KIAA0825: variants seen among roughly 807,000 people sequenced by gnomAD.
KIAA0825 encodes uncharacterized protein KIAA0825.
KIAA0825 carries 119 observed loss-of-function variants against 147.6 expected under a neutral mutation model. That is an observed-to-expected ratio of 0.81 (90% CI 0.69 to 0.94). The LOEUF (loss-of-function observed/expected upper bound fraction) is 0.94. KIAA0825 is among the 40% of genes least tolerant of loss of function. KIAA0825 has a pLI of 0.00. For synonymous variants in KIAA0825, 470 were observed against 518.1 expected (o/e 0.91, Z 1.26); for missense variants, 1,381 against 1,472.7 (o/e 0.94, Z 1.02).
At chr5:94,520,103 G>T in intron 5 of KIAA0825, 145 bp downstream of exon 5, 1 of 1,185,704 alleles carries the variant, frequency 8.4e-7, no homozygotes, top group East Asian at 2.9e-5. Flanking sequence ...AAATGCATGA[G>T]AAATGTATAC....
At chr5:94,298,247 C>CA (rs1297571311) in intron 20 of KIAA0825, among the ~76,000 whole-genome samples, 12 of 146,118 alleles carry the variant, frequency 8.2e-5, no homozygotes, top group East Asian at 2.0e-4. Flanking sequence ...GACTCCGTCC[C>CA]AAAAAAAAAA....
chr5:94,543,741 G>C (rs182278671), intron 2 of KIAA0825, among the ~76,000 whole-genome samples: 100 of 152,236 alleles, frequency 6.6e-4, no homozygotes, highest in African/African-American at 2.2e-3. Context: ...TAGGATTAAG[G>C]GCTAAGGGAT....
chr5:94,517,050 G>A (rs1004589783), intron 5 of KIAA0825, among the ~76,000 whole-genome samples: 1 of 152,098 alleles, frequency 6.6e-6, no homozygotes, highest in Non-Finnish European at 1.5e-5. Flanking sequence ...GCAGTGAGCC[G>A]AGATTGCACC....
At chr5:94,379,418 T>C (rs1748058924) in intron 20 of KIAA0825, among the ~76,000 whole-genome samples, 1 of 152,174 alleles carries the variant, frequency 6.6e-6, no homozygotes, top group Non-Finnish European at 1.5e-5. Context: ...TGTAGCTCTG[T>C]GGCATTATTT....
chr5:94,526,730 T>C (rs1226747925), intron 3 of KIAA0825, among the ~76,000 whole-genome samples: 2 of 152,002 alleles, frequency 1.3e-5, no homozygotes, highest in East Asian at 3.9e-4. Context: ...TGATAAACAT[T>C]AGCTGAATGT....
chr5:94,348,255 G>A (rs1783235862), intron 20 of KIAA0825, among the ~76,000 whole-genome samples: 1 of 152,156 alleles, frequency 6.6e-6, no homozygotes, highest in African/African-American at 2.4e-5. Context: ...CCCTGACCTT[G>A]TGAGAAACCT....
At chr5:94,546,257 C>G (rs1021646080) in intron 2 of KIAA0825, among the ~76,000 whole-genome samples, 1 of 152,210 alleles carries the variant, frequency 6.6e-6, no homozygotes, top group Admixed American at 6.5e-5. Context: ...GGCTCCAAGA[C>G]AGTAGCTATG....
rs187546905 is a variant in KIAA0825 at position 94,465,471 on chromosome 5, T to C, written c.1873-412A>G. On this transcript the variant is annotated intron_variant, in intron 10 of 20. Coordinates refer to ENST00000682413, the MANE Select transcript of KIAA0825 (RefSeq NM_001145678.3). ...TATTTTTCTGAGCCTATTAGCATCA[T>C]TAAGGTAATTTTATAAATGTTTCAG... Among the ~76,000 whole-genome samples the C allele has an allele frequency of 2.2e-3, 333 of 152,334 alleles. 2 individuals carry two copies. Among genetic ancestry groups the C allele is most frequent in the African/African-American group, 7.6e-3 (318 of 41,582 alleles).
chr5:94,533,186 G>T (rs1365159863), intron 3 of KIAA0825, among the ~76,000 whole-genome samples: 28 of 150,922 alleles, frequency 1.9e-4, no homozygotes, highest in Admixed American at 1.8e-3. Context: ...CACCGTGTTA[G>T]CCAGGATGGT....
Position 94,589,832 on chromosome 5 carries a change from G to C in KIAA0825, c.-152-7249C>G, listed in dbSNP as rs567506999. Among the ~76,000 whole-genome samples the C allele has an allele frequency of 2.8e-5, 4 of 143,606 alleles. No homozygotes were observed. In the East Asian group the frequency reaches 5.9e-4, roughly 21 times the overall value. 94.2% of individuals were successfully genotyped at this position (143,606 alleles called of 152,430 possible). A position where few individuals can be genotyped will look rare whatever the true frequency, so the allele number is the denominator to read the frequency against. ...ATTTCCAAAATCTGTACTTTATCCT[G>C]TCTCACTTTAAAAAAAAAAAAAGCA... On this transcript the variant is annotated intron_variant, in intron 1 of 20. Coordinates refer to ENST00000682413, the MANE Select transcript of KIAA0825 (RefSeq NM_001145678.3).
intron 20 of KIAA0825, among the ~76,000 whole-genome samples, chr5:94,333,517 G>C (rs890182470): frequency 6.6e-6 from 1 of 152,128 alleles, no homozygotes; most frequent in African/African-American, 2.4e-5. Context: ...TGTCAGGTTT[G>C]TCAAAGATCA....
intron 15 of KIAA0825, among the ~76,000 whole-genome samples, chr5:94,410,959 T>C (rs1752686716): frequency 6.6e-6 from 1 of 152,104 alleles, no homozygotes; most frequent in Admixed American, 6.5e-5. Flanking sequence ...ATAAAAGACT[T>C]TTTCCCATTT....
At chr5:94,254,680 A>G (rs1227302244) in intron 20 of KIAA0825, among the ~76,000 whole-genome samples, 2 of 152,158 alleles carry the variant, frequency 1.3e-5, no homozygotes, top group African/African-American at 4.8e-5. Flanking sequence ...AGTTTAATTA[A>G]GCTTACTTTA....
At chr5:94,399,718 CTA>C (rs1751133340) in intron 16 of KIAA0825, among the ~76,000 whole-genome samples, 1 of 151,952 alleles carries the variant, frequency 6.6e-6, no homozygotes, top group African/African-American at 2.4e-5. Context: ...TGAAGAAAAT[CTA>C]TGTCTTAGGA....
At chr5:94,278,854 G>T (rs1443063611) in intron 20 of KIAA0825, among the ~76,000 whole-genome samples, 1 of 151,790 alleles carries the variant, frequency 6.6e-6, no homozygotes, top group Non-Finnish European at 1.5e-5. Context: ...TTTCAATTCT[G>T]TTCCCCCATA....
intron 20 of KIAA0825, among the ~76,000 whole-genome samples, chr5:94,345,674 T>C (rs774765960): frequency 1.3e-5 from 2 of 152,200 alleles, no homozygotes; most frequent in African/African-American, 4.8e-5. Flanking sequence ...TTCTATTTTC[T>C]TCCCTTTAGA....
intron 5 of KIAA0825, among the ~76,000 whole-genome samples, chr5:94,513,767 T>C (rs1034510383): frequency 6.6e-5 from 10 of 151,884 alleles, no homozygotes; most frequent in Admixed American, 3.3e-4. Flanking sequence ...CCCATAAATA[T>C]CCAGTCATTT....
intron 20 of KIAA0825, among the ~76,000 whole-genome samples, chr5:94,381,784 A>G (rs1032982708): frequency 2.0e-5 from 3 of 152,198 alleles, no homozygotes; most frequent in Non-Finnish European, 4.4e-5. Flanking sequence ...GCCTGAGAAC[A>G]CAGGAATCCT....
chr5:94,364,299 G>T (rs1335332413), intron 20 of KIAA0825, among the ~76,000 whole-genome samples: 1 of 151,900 alleles, frequency 6.6e-6, no homozygotes, highest in Non-Finnish European at 1.5e-5. Flanking sequence ...GACAGTCAGT[G>T]CAAGCAGAAG....
Sources: gnomAD v4.1 joint callset for allele counts (sites outside exome capture counted in the v4.1 genomes callset) on GRCh38, gnomAD v4.1.1 for gene constraint, MANE v1.5 for transcripts, NCBI Gene and HGNC (gene_info 2026-07-23, HGNC 2026-07-21) for gene names.